CLYBL: variants seen among roughly 807,000 people sequenced by gnomAD.
The protein encoded by CLYBL is citramalyl-CoA lyase, mitochondrial.
Under a neutral mutation model 38.9 loss-of-function variants are expected in CLYBL, and 31 were observed. That is an observed-to-expected ratio of 0.80 (90% CI 0.60 to 1.08). The LOEUF is 1.08. Among genes scored for constraint, CLYBL ranks in the 50% least tolerant of loss-of-function variants. The pLI is 0.00. For missense variants in CLYBL, 434 were observed against 411.6 expected (o/e 1.05, Z -0.47); for synonymous variants, 171 against 158.6 (o/e 1.08, Z -0.59).
chr13:99,780,885 TG>T lies in CLYBL; in HGVS notation c.249+7876del, dbSNP rs1327556206. 4.0e-5 allele frequency among the ~76,000 whole-genome samples: 6 copies of T among 151,232 alleles called. No homozygotes were observed. In the East Asian group the frequency reaches 1.2e-3, roughly 30 times the overall value. On this transcript the variant is annotated intron_variant, in intron 2 of 8. Transcript: ENST00000339105. ...CCTGCCACCACACCTGGCTCATTTT[TG>T]TATTATTAGTAGAGATGGGGTTTCA...
chr13:99,903,417 C>CACACAT (rs59767693), intron 8 of CLYBL, among the ~76,000 whole-genome samples: 16 of 129,688 alleles, frequency 1.2e-4, no homozygotes, highest in Non-Finnish European at 1.5e-4. Context: ...CTCACACACT[C>CACACAT]GCACACGCAC....
At chr13:99,830,125 T>A (rs2050777257) in intron 2 of CLYBL, among the ~76,000 whole-genome samples, 1 of 152,240 alleles carries the variant, frequency 6.6e-6, no homozygotes, top group Non-Finnish European at 1.5e-5. Context: ...CTCGGACTTT[T>A]GTCTCCTTGT....
At position 99,804,566 on chromosome 13, in the gene CLYBL, G is replaced by A. The variant is rs535772541; in HGVS notation, c.249+31556G>A. On this transcript the variant is annotated intron_variant, in intron 2 of 8. Coordinates refer to ENST00000339105, the MANE Select transcript of CLYBL (RefSeq NM_206808.5). ...GCTGCAGTGCAGTTTTTAGGGAAGC[G>A]AAAGGCTCCCTGCCCTGTAGTCTTC... 1.1e-3 allele frequency among the ~76,000 whole-genome samples: 162 copies of A among 152,162 alleles called. 1 individual carries two copies. The highest frequency in any genetic ancestry group is 1.8e-3 in the Non-Finnish European group (119 of 67,992).
At chr13:99,753,256 T>G (rs74557188) in intron 1 of CLYBL, among the ~76,000 whole-genome samples, 3,506 of 151,844 alleles carry the variant, frequency 0.023, 76 homozygotes, top group Non-Finnish European at 0.035. Context: ...AGACATTTGG[T>G]TTTTAATGTG....
intron 1 of CLYBL, among the ~76,000 whole-genome samples, chr13:99,687,608 G>A (rs902609009): frequency 2.6e-5 from 4 of 151,614 alleles, no homozygotes; most frequent in African/African-American, 9.8e-5. Context: ...AACCATTAAA[G>A]GGTTTTTAAT....
chr13:99,905,440 C>T (rs1331148592), intron 9 of CLYBL, among the ~76,000 whole-genome samples: 1 of 152,142 alleles, frequency 6.6e-6, no homozygotes, highest in Non-Finnish European at 1.5e-5. Context: ...TAGTGACTGG[C>T]CAAAAGGGTG....
intron 2 of CLYBL, among the ~76,000 whole-genome samples, chr13:99,845,519 GAGA>G (rs2051179774): frequency 6.6e-6 from 1 of 152,268 alleles, no homozygotes; most frequent in Non-Finnish European, 1.5e-5. Flanking sequence ...CTGGCAGGAG[GAGA>G]AGGTGGAAAG....
At chr13:99,794,961 G>C (rs994587336) in intron 2 of CLYBL, among the ~76,000 whole-genome samples, 1 of 152,142 alleles carries the variant, frequency 6.6e-6, no homozygotes, top group African/African-American at 2.4e-5. Context: ...CTGATTTAGA[G>C]ACAGAGTTCA....
chr13:99,841,429 T>C (rs1307919585), intron 2 of CLYBL, among the ~76,000 whole-genome samples: 4 of 152,186 alleles, frequency 2.6e-5, no homozygotes. Flanking sequence ...TAAGACAGTC[T>C]CAGCCTGTCA....
At chr13:99,662,444 C>G (rs996116010) in intron 1 of CLYBL, among the ~76,000 whole-genome samples, 1 of 150,038 alleles carries the variant, frequency 6.7e-6, no homozygotes, top group Non-Finnish European at 1.5e-5. Context: ...TGATGTTAGA[C>G]TATTGGTTCT....
chr13:99,902,052 C>T (rs553950000), downstream of CLYBL, among the ~76,000 whole-genome samples: 38 of 152,210 alleles, frequency 2.5e-4, no homozygotes, highest in South Asian at 3.7e-3. Flanking sequence ...CATTTGAGAG[C>T]CTAGAGTGAT....
chr13:99,647,861 T>C (rs2047199500), intron 1 of CLYBL, among the ~76,000 whole-genome samples: 1 of 152,182 alleles, frequency 6.6e-6, no homozygotes, highest in Admixed American at 6.5e-5. Context: ...GGGTGCCCAG[T>C]TGAGAACGAT....
intron 7 of CLYBL, among the ~76,000 whole-genome samples, chr13:99,881,945 AT>A (rs1352366587): frequency 6.6e-6 from 1 of 152,200 alleles, no homozygotes; most frequent in Non-Finnish European, 1.5e-5. Flanking sequence ...AGGATGAAAA[AT>A]GTTATAGTTT....
chr13:99,689,098 C>G (rs2047861498), intron 1 of CLYBL, among the ~76,000 whole-genome samples: 1 of 152,210 alleles, frequency 6.6e-6, no homozygotes. Flanking sequence ...TGGCTGGAAT[C>G]TAGGGTCCCA....
chr13:99,764,411 A>G (rs954991984), intron 1 of CLYBL, among the ~76,000 whole-genome samples: 1 of 152,178 alleles, frequency 6.6e-6, no homozygotes, highest in East Asian at 1.9e-4. Context: ...TGGCTTCAGT[A>G]TCACTACTCG....
chr13:99,736,162 A>AG (rs1183139168), intron 1 of CLYBL, among the ~76,000 whole-genome samples: 1 of 144,784 alleles, frequency 6.9e-6, no homozygotes, highest in Admixed American at 7.4e-5. Flanking sequence ...CTCCTGCCTC[A>AG]GCCTCCTAAG....
At chr13:99,842,100 G>T (rs926440779) in intron 2 of CLYBL, among the ~76,000 whole-genome samples, 2 of 152,166 alleles carry the variant, frequency 1.3e-5, no homozygotes, top group Admixed American at 6.5e-5. Context: ...TTACAGGCGT[G>T]AGCCACCGTG....
At chr13:99,782,825 T>C (rs2049687618) in intron 2 of CLYBL, among the ~76,000 whole-genome samples, 1 of 152,156 alleles carries the variant, frequency 6.6e-6, no homozygotes, top group Non-Finnish European at 1.5e-5. Context: ...GGCCTCTGTT[T>C]CTCCTTTCTA....
chr13:99,843,518 T>C (rs2051131898), intron 2 of CLYBL, among the ~76,000 whole-genome samples: 1 of 152,048 alleles, frequency 6.6e-6, no homozygotes, highest in African/African-American at 2.4e-5. Context: ...TTACCTAAAA[T>C]GGTAGCTGAC....
Sources: gnomAD v4.1 joint callset for allele counts (sites outside exome capture counted in the v4.1 genomes callset) on GRCh38, gnomAD v4.1.1 for gene constraint, MANE v1.5 for transcripts, NCBI Gene and HGNC (gene_info 2026-07-23, HGNC 2026-07-21) for gene names.